Variants in CLSPN observed in about 807,000 individuals in gnomAD.
CLSPN encodes claspin.
In CLSPN, 85 loss-of-function variants were observed where a neutral mutation model predicts 156.3. The observed-to-expected ratio is 0.54, with a 90% CI of 0.46 to 0.65. The LOEUF (loss-of-function observed/expected upper bound fraction) is 0.65, where lower values mean the gene tolerates loss of function less well. Among genes scored for constraint, CLSPN ranks in the 30% least tolerant of loss-of-function variants. CLSPN has a pLI of 0.00. For missense variants in CLSPN, 1,407 were observed against 1,554.9 expected, an observed-to-expected ratio of 0.90 and a Z score of 1.60; for synonymous variants, 534 against 542.4, an observed-to-expected ratio of 0.98 and a Z score of 0.22.
chr1:35,748,820 C>CTTTTTTTTTTTTT (rs201350754), intron 12 of CLSPN: 1 of 245,116 alleles, frequency 4.1e-6, no homozygotes, highest in Non-Finnish European at 7.9e-6. Context: ...CTTGAAAGTT[C>CTTTTTTTTTTTTT]TTTTTTTTTT....
At position 35,736,399 on chromosome 1, in the gene CLSPN, A is replaced by G; in HGVS notation, c.*97T>C. On this transcript the variant is annotated 3_prime_UTR_variant, in exon 25 of 25. Transcript: ENST00000318121. The stretch of plus-strand genomic sequence containing the variant: ...GCAATCTTATTGCATTGATTATGAA[A>G]GAAGGAAGGATCATTGGCTGGAGTG... 6.8e-7 allele frequency: 1 copy of G among 1,463,586 alleles called. No individual in the cohort carries two copies. The highest frequency in any genetic ancestry group is 1.6e-5 in the South Asian group (1 of 61,432). 90.7% of individuals were successfully genotyped at this position (1,463,586 alleles called of 1,614,324 possible).
Position 35,733,623 on chromosome 1 carries a change from G to A in CLSPN, c.*2873C>T, listed in dbSNP as rs1641375833. On this transcript the variant is annotated 3_prime_UTR_variant, in exon 25 of 25. Coordinates refer to ENST00000318121, the MANE Select transcript of CLSPN (RefSeq NM_022111.4). ...AGTTCAAAGAAAGAGGCAAAAACAT[G>A]TATCTTGAACCCATGGATAAAATGA... 2 of 985,264 alleles carry A rather than the reference G, an allele frequency of 2.0e-6. No homozygotes were observed. Among genetic ancestry groups the A allele is most frequent in the African/African-American group, 3.5e-5 (2 of 57,228 alleles). The allele number at this position is 985,264 out of a possible 1,614,324, so 61.0% of individuals were successfully genotyped here. A position where few individuals can be genotyped will look rare whatever the true frequency, so the allele number is the denominator to read the frequency against.
At position 35,761,920 on chromosome 1, in the gene CLSPN, AT is replaced by A. The variant is rs1169892053; in HGVS notation, c.895+77del. On this transcript the variant is annotated intron_variant, in intron 6 of 24. Transcript: ENST00000318121. ...AGTTCACATTAGAAGTGTTAAAAAA[AT>A]AAAAGTCCCCAACATCCAAGTTGAG... is the stretch of plus-strand genomic sequence containing the variant. The A allele has an allele frequency of 1.1e-5, 11 of 964,378 alleles. No homozygotes were observed. In the East Asian group the frequency reaches 2.4e-4, roughly 21 times the overall value. 59.7% of individuals were successfully genotyped at this position (964,378 alleles called of 1,614,324 possible).
intron 1 of CLSPN, 55 bp downstream of exon 1, chr1:35,769,792 A>G: frequency 5.8e-6 from 9 of 1,540,312 alleles, no homozygotes; most frequent in Non-Finnish European, 7.9e-6. Context: ...GCCCCACCTA[A>G]CCTCTCGGTG....
At chr1:35,752,935 C>T (rs1242903981) in intron 9 of CLSPN, among the ~76,000 whole-genome samples, 1 of 152,110 alleles carries the variant, frequency 6.6e-6, no homozygotes, top group Non-Finnish European at 1.5e-5. Flanking sequence ...TTTGGGAAGA[C>T]TAGTTTTTCA....
chr1:35,751,442 C>G lies in CLSPN; in HGVS notation c.1836G>C (p.Glu612Asp). ...TAAACAGTGCTTGGCGCTTCTGGCG[C>G]TCCTCAAACCTTCGGAGTTTCATTG... ...QEAMKLRRFE[E>D]RQKRQALFKL... Residue 612 changes from glutamate to aspartate, a missense_variant, in exon 10 of 25, where the codon GAG (glutamate) becomes GAC (aspartate). By Grantham distance (45) the Glu-to-Asp change is conservative. Around this residue, in one of 3 missense-constraint regions of CLSPN, gnomAD observed 1,096 missense variants for 1,193.0 expected, o/e 0.92. Transcript: ENST00000318121. The G allele has an allele frequency of 6.2e-7, 1 of 1,614,128 alleles. No homozygotes were observed. Among genetic ancestry groups the G allele is most frequent in the Non-Finnish European group, 8.5e-7 (1 of 1,180,030 alleles).
chr1:35,739,327 G>A (rs1390231998), intron 19 of CLSPN, 38 bp downstream of exon 19: 16 of 1,613,610 alleles, frequency 9.9e-6, no homozygotes, highest in Non-Finnish European at 1.3e-5. Context: ...GTCTTAAGAT[G>A]TACCCTATTA....
At chr1:35,761,030 T>C in intron 7 of CLSPN, 66 bp downstream of exon 7, 1 of 1,432,980 alleles carries the variant, frequency 7.0e-7, no homozygotes, top group Non-Finnish European at 9.8e-7. Context: ...CTGAACTTTT[T>C]ATGCCAGATG....
intron 14 of CLSPN, 102 bp from the exon 15 acceptor site, chr1:35,747,094 G>T: frequency 1.2e-6 from 1 of 805,480 alleles, no homozygotes; most frequent in East Asian, 2.6e-5. Context: ...AGGCCGAGGC[G>T]GGCGGATCAC....
chr1:35,760,980 AGT>A lies in CLSPN; in HGVS notation c.1005-66_1005-65del. ...TAAATGTGAAACATTCTCATCCCTT[AGT>A]ATATATCAGTTAAATCAGTTTTAAG... On this transcript the variant is annotated intron_variant, in intron 7 of 24. Transcript: ENST00000318121. 40 of 1,416,996 alleles carry A rather than the reference AGT, an allele frequency of 2.8e-5. No homozygotes were observed. In the South Asian group the frequency reaches 4.9e-4, roughly 17 times the overall value. 87.8% of individuals were successfully genotyped at this position (1,416,996 alleles called of 1,614,324 possible). A position where few individuals can be genotyped will look rare whatever the true frequency, so the allele number is the denominator to read the frequency against.
chr1:35,745,370 G>A (rs1273192322), intron 16 of CLSPN, 81 bp downstream of exon 16: 8 of 940,742 alleles, frequency 8.5e-6, no homozygotes, highest in Non-Finnish European at 1.2e-5. Context: ...CAGAAAAGGT[G>A]CAAAGCCCTT....
chr1:35,736,164 G>C lies in CLSPN; in HGVS notation c.*332C>G. ...ACCTGGGAGGCAGAGATTGTGGTGA[G>C]CCGAGATCACGCCACTGCACTCCAA... On this transcript the variant is annotated 3_prime_UTR_variant, in exon 25 of 25. Transcript: ENST00000318121. The C allele has an allele frequency of 2.5e-6, 2 of 798,186 alleles. No homozygotes were observed. Among genetic ancestry groups the C allele is most frequent in the Non-Finnish European group, 3.0e-6 (2 of 658,046 alleles). 49.4% of individuals were successfully genotyped at this position (798,186 alleles called of 1,614,324 possible).
chr1:35,736,707 A>G, intron 24 of CLSPN, 101 bp from the exon 25 acceptor site: 1 of 1,464,472 alleles, frequency 6.8e-7, no homozygotes, highest in South Asian at 1.5e-5. Context: ...ATGATTAACA[A>G]CAGAAAAAAA....
downstream of CLSPN, among the ~76,000 whole-genome samples, chr1:35,730,097 G>A (rs536613527): frequency 7.5e-4 from 114 of 152,266 alleles, no homozygotes; most frequent in South Asian, 1.7e-3. Context: ...AAAATTCATT[G>A]AATTATTTTA....
exon 25 of CLSPN, chr1:35,720,639 G>T: frequency 4.5e-6 from 1 of 223,038 alleles, no homozygotes; most frequent in Non-Finnish European, 8.9e-6. Context: ...GTAGAGATGG[G>T]GTTTCACCAT....
chr1:35,741,196 T>C (rs561666541), intron 18 of CLSPN, among the ~76,000 whole-genome samples: 8 of 152,218 alleles, frequency 5.3e-5, no homozygotes, highest in African/African-American at 1.2e-4. Context: ...TATAGAAAGA[T>C]TGTACAAATC....
At chr1:35,766,347 T>C (rs191356299) in intron 1 of CLSPN, among the ~76,000 whole-genome samples, 3 of 152,076 alleles carry the variant, frequency 2.0e-5, no homozygotes, top group African/African-American at 7.2e-5. Context: ...GAGAGAAACC[T>C]ATAAAGAAAG....
rs1378773645 is a variant in CLSPN at position 35,746,541 on chromosome 1, C to T, written c.2854+225G>A. Among the ~76,000 whole-genome samples the T allele has an allele frequency of 1.3e-5, 2 of 151,472 alleles. No homozygotes were observed. The highest frequency in any genetic ancestry group is 1.5e-5 in the Non-Finnish European group (1 of 67,894). ...TCCCAAGTAGCTAGGACCACAGGCA[C>T]GTGCCACCATGCCTGGCTAATTTTT... On this transcript the variant is annotated intron_variant, in intron 15 of 24. Transcript: ENST00000318121. The surrounding 1 kb of genome is among the most constrained non-coding windows in gnomAD (Gnocchi z 4.2).
chr1:35,754,002 A>G, intron 8 of CLSPN, 66 bp from the exon 9 acceptor site: 1 of 1,475,464 alleles, frequency 6.8e-7, no homozygotes, highest in East Asian at 2.3e-5. Flanking sequence ...TAAGACTTAT[A>G]AGCTAAGTTT....
Sources: gnomAD v4.1 joint callset for allele counts (sites outside exome capture counted in the v4.1 genomes callset) on GRCh38, gnomAD v4.1.1 for gene constraint, gnomAD v4.1.1 regional missense constraint, Gnocchi (gnomAD v3.1) non-coding constraint, MANE v1.5 for transcripts, NCBI Gene and HGNC (gene_info 2026-07-23, HGNC 2026-07-21) for gene names.